The following TFDP2 variants were observed in gnomAD, a reference collection of about 807,000 sequenced individuals.
TFDP2 encodes the protein transcription factor Dp-2, also known as transcription factor Dp-2 (E2F dimerization partner 2).
TFDP2 carries 17 observed loss-of-function variants against 59.3 expected under a neutral mutation model. The ratio of observed to expected loss-of-function variants is 0.29; its 90% CI spans 0.20 to 0.43. The LOEUF (loss-of-function observed/expected upper bound fraction) is 0.43, where lower values mean the gene tolerates loss of function less well. Among genes scored for constraint, TFDP2 ranks in the 20% least tolerant of loss-of-function variants. The pLI, the probability that TFDP2 is intolerant of heterozygous loss-of-function variation, is 1.00. For synonymous variants in TFDP2, 180 were observed against 194.7 expected (o/e 0.92, Z 0.63); for missense variants, 391 against 528.8 (o/e 0.74, Z 2.56).
chr3:141,957,069 C>T (rs1295394472), intron 11 of TFDP2, among the ~76,000 whole-genome samples: 1 of 152,010 alleles, frequency 6.6e-6, no homozygotes, highest in Admixed American at 6.6e-5. Flanking sequence ...ATGTATAATC[C>T]CAACACTTTG....
At chr3:141,991,369 T>A (rs1028953187) in intron 6 of TFDP2, among the ~76,000 whole-genome samples, 1 of 152,196 alleles carries the variant, frequency 6.6e-6, no homozygotes, top group African/African-American at 2.4e-5. Context: ...GTTTCACTTC[T>A]TGTTAAAAAG....
chr3:142,012,015 CT>C (rs1248723479), intron 3 of TFDP2, among the ~76,000 whole-genome samples: 211 of 138,142 alleles, frequency 1.5e-3, no homozygotes, highest in African/African-American at 2.0e-3. Context: ...TTCTTTCTTT[CT>C]TTTTTTTTTT....
intron 3 of TFDP2, among the ~76,000 whole-genome samples, chr3:142,018,826 T>C (rs1945345682): frequency 1.3e-5 from 2 of 152,138 alleles, no homozygotes; most frequent in Admixed American, 1.3e-4. Context: ...ATTTTGGTTT[T>C]AATATATTGT....
chr3:141,966,662 T>C (rs532389528), intron 9 of TFDP2, among the ~76,000 whole-genome samples: 45 of 151,824 alleles, frequency 3.0e-4, no homozygotes, highest in African/African-American at 1.0e-3. Flanking sequence ...TTTAAGTGTG[T>C]TCATTCATTT....
intron 11 of TFDP2, among the ~76,000 whole-genome samples, chr3:141,955,067 G>A (rs1269162308): frequency 4.4e-5 from 1 of 22,680 alleles, no homozygotes; most frequent in African/African-American, 8.0e-5. Context: ...ATTAAAGCCA[G>A]AATCTTGTGC....
chr3:142,083,994 A>G (rs1055457296), intron 3 of TFDP2, among the ~76,000 whole-genome samples: 4 of 152,196 alleles, frequency 2.6e-5, no homozygotes, highest in African/African-American at 9.6e-5. Flanking sequence ...CAAAGCAAAA[A>G]TGGACAAATG....
At chr3:141,967,930 G>A (rs1938380925) in intron 9 of TFDP2, among the ~76,000 whole-genome samples, 1 of 152,144 alleles carries the variant, frequency 6.6e-6, no homozygotes, top group Admixed American at 6.6e-5. Flanking sequence ...ATGACTGTTG[G>A]CATGCTGATA....
chr3:141,954,797 T>C (rs942131249), intron 11 of TFDP2, among the ~76,000 whole-genome samples: 2 of 152,164 alleles, frequency 1.3e-5, no homozygotes, highest in Admixed American at 6.5e-5. Flanking sequence ...AAATGAGCTA[T>C]GATTTAATTG....
intron 7 of TFDP2, among the ~76,000 whole-genome samples, chr3:141,975,016 C>T (rs1254044355): frequency 5.4e-5 from 8 of 148,480 alleles, no homozygotes; most frequent in African/African-American, 1.3e-4. Context: ...CGGGTTCAAG[C>T]GATTCTTCTG....
At chr3:142,000,112 G>A in intron 4 of TFDP2, 1 of 475,556 alleles carries the variant, frequency 2.1e-6, no homozygotes, top group Non-Finnish European at 3.7e-6. Flanking sequence ...AGCGATAAAT[G>A]GCTGTAACTG....
At chr3:142,111,427 CAAAAA>C (rs80110477) in intron 1 of TFDP2, among the ~76,000 whole-genome samples, 1 of 60,186 alleles carries the variant, frequency 1.7e-5, no homozygotes, top group Middle Eastern at 8.5e-3. Flanking sequence ...GACTCTGTCT[CAAAAA>C]AAAAAAAAAA....
At chr3:142,049,656 G>A (rs569225613) in intron 3 of TFDP2, among the ~76,000 whole-genome samples, 9 of 152,240 alleles carry the variant, frequency 5.9e-5, no homozygotes, top group South Asian at 4.1e-4. Context: ...AAAGGAATAC[G>A]TAAAATTTGT....
chr3:141,968,651 T>G (rs1226682051), intron 9 of TFDP2, among the ~76,000 whole-genome samples: 2 of 113,502 alleles, frequency 1.8e-5, no homozygotes, highest in African/African-American at 7.3e-5. Context: ...ATATCTCATA[T>G]ATAGATATAT....
chr3:142,004,632 A>C (rs908644916), intron 4 of TFDP2, among the ~76,000 whole-genome samples: 5 of 152,184 alleles, frequency 3.3e-5, no homozygotes, highest in African/African-American at 1.2e-4. Context: ...TTTTTCATTC[A>C]TTATTTCTAC....
intron 11 of TFDP2, among the ~76,000 whole-genome samples, chr3:141,954,993 A>G (rs1297236749): frequency 6.6e-6 from 1 of 152,216 alleles, no homozygotes; most frequent in African/African-American, 2.4e-5. Context: ...AGAGACTTCA[A>G]GTCTAAGAAG....
intron 3 of TFDP2, among the ~76,000 whole-genome samples, chr3:142,080,120 T>C (rs748774025): frequency 1.3e-5 from 2 of 152,096 alleles, no homozygotes; most frequent in Non-Finnish European, 1.5e-5. Flanking sequence ...CACGCTACCA[T>C]GCCTGGCTAA....
In TFDP2 at chr3:142,059,728, G is replaced by A. The variant is rs574191323; in HGVS notation, c.82+33333C>T. 2.6e-3 allele frequency among the ~76,000 whole-genome samples: 391 copies of A among 151,970 alleles called. 2 individuals carry two copies. Among genetic ancestry groups the A allele is most frequent in the African/African-American group, 8.9e-3 (368 of 41,458 alleles). ...CTGAGTAGCTGGGACTACCAGCGTCGGCCACCATGCCCAGCTAATTTTTTT... is the reference window on the plus strand; with the variant it reads ...CTGAGTAGCTGGGACTACCAGCGTCAGCCACCATGCCCAGCTAATTTTTTT... On this transcript the variant is annotated intron_variant, in intron 3 of 12. Transcript: ENST00000489671.
intron 3 of TFDP2, among the ~76,000 whole-genome samples, chr3:142,015,569 A>G (rs543996204): frequency 2.6e-5 from 4 of 152,282 alleles, no homozygotes; most frequent in South Asian, 4.1e-4. Context: ...GCTTGAATAC[A>G]ACCACTTCTC....
At chr3:142,060,881 C>T (rs2059896357) in intron 3 of TFDP2, among the ~76,000 whole-genome samples, 2 of 152,116 alleles carry the variant, frequency 1.3e-5, no homozygotes, top group South Asian at 2.1e-4. Flanking sequence ...TGACAACAGC[C>T]GACAGAGACT....
Sources: gnomAD v4.1 joint callset for allele counts (sites outside exome capture counted in the v4.1 genomes callset) on GRCh38, gnomAD v4.1.1 for gene constraint, MANE v1.5 for transcripts, NCBI Gene and HGNC (gene_info 2026-07-23, HGNC 2026-07-21) for gene names.